Variants in EPHA5 observed in about 807,000 individuals in gnomAD.
EPHA5 encodes EPH receptor A5.
A neutral mutation model predicts 105.0 loss-of-function variants in EPHA5; 60 were observed. The observed-to-expected ratio is 0.57, with a 90% CI of 0.46 to 0.71. The LOEUF is 0.71. Ranked by LOEUF, EPHA5 falls within the 30% of genes least tolerant of loss-of-function variation. The probability of loss-of-function intolerance (pLI) is 0.00; values close to 1 mark genes in which losing one functional copy is unlikely to be tolerated. For synonymous variants in EPHA5, 513 were observed against 449.1 expected, an observed-to-expected ratio of 1.14 and a Z score of -1.80; for missense variants, 1,218 against 1,274.7, an observed-to-expected ratio of 0.96 and a Z score of 0.68.
At chr4:65,423,740 T>G (rs1724154774) in intron 5 of EPHA5, among the ~76,000 whole-genome samples, 1 of 151,516 alleles carries the variant, frequency 6.6e-6, no homozygotes, top group African/African-American at 2.4e-5. Flanking sequence ...CTCATCTTGC[T>G]TATTCACTGC....
chr4:65,362,341 C>T (rs1397658418), intron 11 of EPHA5, among the ~76,000 whole-genome samples: 1 of 151,576 alleles, frequency 6.6e-6, no homozygotes. Flanking sequence ...AATAAATTAG[C>T]ATCAGATCAG....
At chr4:65,549,471 T>G (rs533749325) in intron 3 of EPHA5, among the ~76,000 whole-genome samples, 1 of 152,282 alleles carries the variant, frequency 6.6e-6, no homozygotes, top group South Asian at 2.1e-4. Context: ...ATATGTGTTG[T>G]TTGAAATATA....
chr4:65,467,097 C>T (rs933880870), intron 5 of EPHA5, among the ~76,000 whole-genome samples: 3 of 152,182 alleles, frequency 2.0e-5, no homozygotes, highest in Non-Finnish European at 4.4e-5. Context: ...TGAAACCTGA[C>T]TCTTTTATTT....
chr4:65,348,672 A>G lies in EPHA5; in HGVS notation c.2446-469T>C, dbSNP rs1349962258. On this transcript the variant is annotated intron_variant, in intron 13 of 16. Coordinates refer to ENST00000613740, the MANE Select transcript of EPHA5 (RefSeq NM_001281766.3). Reference sequence around the variant, plus strand: ...ATAAACATTGGAGATATATATATATATATATATATATATATATATATATAT... The same window carrying G: ...ATAAACATTGGAGATATATATATATGTATATATATATATATATATATATAT... Among the ~76,000 whole-genome samples the G allele has an allele frequency of 6.0e-5, 4 of 66,246 alleles. 1 individual carries two copies. Among genetic ancestry groups the G allele is most frequent in the South Asian group, 1.1e-3 (2 of 1,776 alleles). The allele number at this position is 66,246 out of a possible 152,430, so 43.5% of individuals were successfully genotyped here.
intron 5 of EPHA5, among the ~76,000 whole-genome samples, chr4:65,444,534 A>G (rs1388602012): frequency 6.6e-6 from 1 of 152,156 alleles, no homozygotes; most frequent in Non-Finnish European, 1.5e-5. Context: ...TTTCCAACTG[A>G]GAGAAATTAA....
intron 5 of EPHA5, among the ~76,000 whole-genome samples, chr4:65,436,381 C>T (rs1315597761): frequency 6.6e-6 from 1 of 151,786 alleles, no homozygotes; most frequent in South Asian, 2.1e-4. Context: ...ATGTAACTAA[C>T]ATCTATTAAT....
At chr4:65,531,124 G>A (rs1215657087) in intron 3 of EPHA5, among the ~76,000 whole-genome samples, 1 of 150,714 alleles carries the variant, frequency 6.6e-6, no homozygotes, top group East Asian at 1.9e-4. Context: ...TGCAAGCTCC[G>A]CTTCCCGGGT....
intron 14 of EPHA5, among the ~76,000 whole-genome samples, chr4:65,341,928 T>C (rs1721765504): frequency 6.6e-6 from 1 of 152,150 alleles, no homozygotes; most frequent in Admixed American, 6.5e-5. Context: ...ATAGAAATAG[T>C]TTCAGATATA....
intron 8 of EPHA5, among the ~76,000 whole-genome samples, chr4:65,384,355 T>A (rs1365778739): frequency 2.6e-5 from 4 of 151,982 alleles, no homozygotes; most frequent in Non-Finnish European, 5.9e-5. Context: ...ATACTCACAA[T>A]CTATAGCAAC....
At chr4:65,558,091 G>A (rs1030170390) in intron 3 of EPHA5, among the ~76,000 whole-genome samples, 7 of 151,920 alleles carry the variant, frequency 4.6e-5, no homozygotes, top group Admixed American at 1.3e-4. Context: ...TGGCCAGGCT[G>A]GTCTCAAACT....
intron 3 of EPHA5, among the ~76,000 whole-genome samples, chr4:65,574,657 T>TATATATACACAC (rs1560717508): frequency 1.5e-4 from 4 of 26,614 alleles, no homozygotes; most frequent in Non-Finnish European, 3.0e-4. Context: ...TATATACACA[T>TATATATACACAC]ATATATATAC....
intron 3 of EPHA5, among the ~76,000 whole-genome samples, chr4:65,561,291 A>G (rs1289699955): frequency 6.6e-6 from 1 of 152,122 alleles, no homozygotes; most frequent in Admixed American, 6.6e-5. Context: ...TATACTCATG[A>G]CAGCAGCATC....
intron 11 of EPHA5, among the ~76,000 whole-genome samples, chr4:65,359,574 G>C (rs567132986): frequency 9.2e-5 from 14 of 151,380 alleles, no homozygotes; most frequent in Non-Finnish European, 1.9e-4. Context: ...AGGTACTCAA[G>C]ACAAATAATT....
chr4:65,429,226 A>C (rs763559072), intron 5 of EPHA5, among the ~76,000 whole-genome samples: 1 of 152,060 alleles, frequency 6.6e-6, no homozygotes, highest in Non-Finnish European at 1.5e-5. Flanking sequence ...GAAAACTTTA[A>C]TCAGCTCAGT....
chr4:65,434,154 T>C (rs1335815808), intron 5 of EPHA5, among the ~76,000 whole-genome samples: 1 of 152,204 alleles, frequency 6.6e-6, no homozygotes, highest in Non-Finnish European at 1.5e-5. Flanking sequence ...CTTATATTAA[T>C]ATAATCACCC....
intron 3 of EPHA5, among the ~76,000 whole-genome samples, chr4:65,571,807 T>C (rs989469397): frequency 1.3e-5 from 2 of 152,122 alleles, no homozygotes; most frequent in African/African-American, 4.8e-5. Context: ...ATTCTTACAG[T>C]TGCATAATAG....
intron 3 of EPHA5, among the ~76,000 whole-genome samples, chr4:65,506,060 G>C (rs1007539386): frequency 5.9e-5 from 9 of 151,896 alleles, no homozygotes; most frequent in African/African-American, 9.7e-5. Context: ...TCCATGTGTT[G>C]TCATTGTACA....
chr4:65,591,890 A>C (rs769561539), intron 3 of EPHA5, among the ~76,000 whole-genome samples: 6 of 152,168 alleles, frequency 3.9e-5, no homozygotes, highest in Non-Finnish European at 8.8e-5. Context: ...GTTTTGAGTA[A>C]AACTTAAATG....
chr4:65,461,448 C>T (rs1578167896), intron 5 of EPHA5, among the ~76,000 whole-genome samples: 1 of 152,068 alleles, frequency 6.6e-6, no homozygotes, highest in East Asian at 1.9e-4. Flanking sequence ...TTCCAATTTG[C>T]TCTAACATAT....
Sources: allele counts gnomAD v4.1 joint callset (sites outside exome capture counted in the v4.1 genomes callset), GRCh38; gene constraint gnomAD v4.1.1; transcripts MANE v1.5; gene names NCBI Gene and HGNC (gene_info 2026-07-23, HGNC 2026-07-21).